RBM6: variants seen among roughly 807,000 people sequenced by gnomAD.
RBM6 encodes RNA binding motif protein 6.
RBM6 carries 23 observed loss-of-function variants against 140.4 expected under a neutral mutation model. The ratio of observed to expected loss-of-function variants is 0.16; its 90% CI spans 0.12 to 0.23. RBM6 has a LOEUF of 0.23. RBM6 is among the 10% of genes least tolerant of loss of function. The probability of loss-of-function intolerance (pLI) is 1.00; values close to 1 mark genes in which losing one functional copy is unlikely to be tolerated. For synonymous variants in RBM6, 439 were observed against 475.6 expected (o/e 0.92, Z 1.00); for missense variants, 1,139 against 1,386.7 (o/e 0.82, Z 2.84).
At chr3:50,002,411 G>A (rs911803100) in intron 6 of RBM6, among the ~76,000 whole-genome samples, 16 of 151,938 alleles carry the variant, frequency 1.1e-4, no homozygotes, top group African/African-American at 3.1e-4. Flanking sequence ...ACAGGTGCCC[G>A]CCACCACACC....
intron 6 of RBM6, among the ~76,000 whole-genome samples, chr3:50,007,398 G>T (rs954896064): frequency 3.3e-5 from 5 of 151,792 alleles, no homozygotes; most frequent in Non-Finnish European, 7.4e-5. Flanking sequence ...TATTGCCCAG[G>T]CTGATCTCGA....
intron 1 of RBM6, among the ~76,000 whole-genome samples, chr3:49,952,354 C>A (rs899866126): frequency 1.3e-5 from 2 of 151,524 alleles, no homozygotes; most frequent in Non-Finnish European, 2.9e-5. Flanking sequence ...TTAATAGAGA[C>A]AGGGTTTTGG....
intron 6 of RBM6, among the ~76,000 whole-genome samples, chr3:50,014,617 A>G (rs1367740711): frequency 5.3e-5 from 8 of 152,212 alleles, no homozygotes; most frequent in African/African-American, 1.9e-4. Context: ...TCACAGGGCC[A>G]TCTACTGGAT....
At chr3:49,945,933 CAGCAGGACTG>C (rs1416228849) in intron 1 of RBM6, among the ~76,000 whole-genome samples, 1 of 149,528 alleles carries the variant, frequency 6.7e-6, no homozygotes, top group Admixed American at 6.7e-5. Flanking sequence ...GACCTTAATC[CAGCAGGACTG>C]CTGTCTTCGT....
chr3:50,060,367 A>C (rs759863105), intron 11 of RBM6, among the ~76,000 whole-genome samples: 7 of 152,166 alleles, frequency 4.6e-5, no homozygotes, highest in Non-Finnish European at 1.0e-4. Context: ...ATGTCAGAGA[A>C]ACAGGCTTAC....
Position 50,068,759 on chromosome 3 carries a change from C to A in RBM6, c.3013C>A (p.Arg1005=), listed in dbSNP as rs758252047. 2 of 1,613,672 alleles carry A rather than the reference C, an allele frequency of 1.2e-6. No individual in the cohort carries two copies. The highest frequency in any genetic ancestry group is 1.1e-5 in the South Asian group (1 of 91,072). The part of the protein sequence containing the change: ...QELAYLERRE[R]EGKFKGRGND... ...GCTAGCCTATCTGGAAAGGAGAGAA[C>A]GAGAGGTAAACTTTGGTGACCTATT... Residue 1005 remains arginine, a synonymous_variant, in exon 18 of 21, where the codon CGA becomes AGA. Transcript: ENST00000266022.
intron 6 of RBM6, 35 bp from the exon 7 acceptor site, chr3:50,048,210 G>A (rs1359629551): frequency 6.2e-7 from 1 of 1,607,692 alleles, no homozygotes; most frequent in East Asian, 2.2e-5. Flanking sequence ...TTCTCCAAGG[G>A]TTGATGTTGA....
At chr3:49,957,172 TG>T (rs1317261760) in intron 1 of RBM6, among the ~76,000 whole-genome samples, 1 of 152,032 alleles carries the variant, frequency 6.6e-6, no homozygotes, top group Admixed American at 6.6e-5. Context: ...TTCATAGAGA[TG>T]GGGTCTTGCT....
intron 15 of RBM6, among the ~76,000 whole-genome samples, chr3:50,063,152 C>T (rs1432369656): frequency 6.6e-6 from 1 of 152,118 alleles, no homozygotes; most frequent in Admixed American, 6.6e-5. Context: ...CTCAGTCTCC[C>T]AAAGTGCTTC....
intron 1 of RBM6, among the ~76,000 whole-genome samples, chr3:49,952,742 C>T (rs1298124195): frequency 6.6e-6 from 1 of 152,138 alleles, no homozygotes; most frequent in Non-Finnish European, 1.5e-5. Flanking sequence ...AGGTGATCCA[C>T]CTGCCTTGGC....
chr3:49,954,733 C>T (rs911136875), intron 1 of RBM6, among the ~76,000 whole-genome samples: 5 of 151,238 alleles, frequency 3.3e-5, no homozygotes, highest in Non-Finnish European at 7.4e-5. Flanking sequence ...CTGTTTTGCA[C>T]AGATATCAGG....
chr3:49,991,552 C>T (rs2108708640), intron 5 of RBM6, among the ~76,000 whole-genome samples: 1 of 152,220 alleles, frequency 6.6e-6, no homozygotes, highest in East Asian at 1.9e-4. Context: ...TCAGGAAATT[C>T]CAAGGGTTTT....
Position 49,967,843 on chromosome 3 carries a change from G to T in RBM6, c.418G>T (p.Gly140Cys). The T allele has an allele frequency of 6.2e-7, 1 of 1,614,032 alleles. No individual in the cohort carries two copies. Residue 140 changes from glycine (G) to cysteine (C), a missense_variant, in exon 3 of 21, where the codon GGT becomes TGT. Gly to Cys is a radical substitution (Grantham distance 159). Coordinates refer to ENST00000266022, the MANE Select transcript of RBM6 (RefSeq NM_005777.3). This position sits in a 1 kb window ranked among gnomAD's most constrained non-coding sequence, Gnocchi z 4.0. Reference protein sequence around the residue: ...GPPMDYRGGDGTSMDYRGREA... With the variant: ...GPPMDYRGGDCTSMDYRGREA... ...ACCTATGGACTATAGGGGTGGAGAT[G>T]GTACTTCTATGGATTATAGAGGTAG... is the stretch of plus-strand genomic sequence containing the variant.
chr3:49,998,918 A>C (rs1324007053), intron 5 of RBM6, among the ~76,000 whole-genome samples: 1 of 152,164 alleles, frequency 6.6e-6, no homozygotes, highest in Non-Finnish European at 1.5e-5. Flanking sequence ...GTGGTATCCA[A>C]ACAGAATAGT....
At chr3:49,974,834 G>A (rs2084988640) in intron 4 of RBM6, among the ~76,000 whole-genome samples, 1 of 151,282 alleles carries the variant, frequency 6.6e-6, no homozygotes, top group African/African-American at 2.4e-5. Flanking sequence ...TTACAGGTGT[G>A]TGCCACCACA....
chr3:49,941,204 G>C (rs561185477), intron 1 of RBM6: 4 of 152,228 alleles, frequency 2.6e-5, no homozygotes, highest in African/African-American at 4.8e-5. Flanking sequence ...GTGATGGTAG[G>C]ACTGGCAGTG....
chr3:49,954,210 C>T (rs1326971652), intron 1 of RBM6, among the ~76,000 whole-genome samples: 7 of 151,752 alleles, frequency 4.6e-5, no homozygotes, highest in African/African-American at 9.7e-5. Context: ...GAGGACCAGG[C>T]GGGCGGATCA....
chr3:50,034,198 G>A (rs2088367449), intron 6 of RBM6, among the ~76,000 whole-genome samples: 1 of 149,806 alleles, frequency 6.7e-6, no homozygotes, highest in Admixed American at 6.7e-5. Flanking sequence ...TAGCCAGGCT[G>A]GTCTGGAACT....
chr3:50,003,324 A>G (rs2086429184), intron 6 of RBM6, among the ~76,000 whole-genome samples: 1 of 150,988 alleles, frequency 6.6e-6, no homozygotes, highest in African/African-American at 2.4e-5. Flanking sequence ...AAAAAAAAAA[A>G]AAAAAAAAGT....
Sources: allele counts gnomAD v4.1 joint callset (sites outside exome capture counted in the v4.1 genomes callset), GRCh38; gene constraint gnomAD v4.1.1; non-coding constraint Gnocchi (gnomAD v3.1); transcripts MANE v1.5; gene names NCBI Gene and HGNC (gene_info 2026-07-23, HGNC 2026-07-21).